The following CNKSR3 variants were observed in gnomAD, a reference collection of about 807,000 sequenced individuals.
CNKSR3 encodes the protein CNKSR family member 3, also known as connector enhancer of kinase suppressor of ras 3.
In CNKSR3, 36 loss-of-function variants were observed where a neutral mutation model predicts 67.7. The ratio of observed to expected loss-of-function variants is 0.53; its 90% confidence interval spans 0.41 to 0.70. The LOEUF is 0.70. Among genes scored for constraint, CNKSR3 ranks in the 30% least tolerant of loss-of-function variants. The probability of loss-of-function intolerance (pLI) is 0.00; values close to 1 mark genes in which losing one functional copy is unlikely to be tolerated. For missense variants in CNKSR3, 630 were observed against 695.2 expected (o/e 0.91, Z 1.05); for synonymous variants, 281 against 271.4 (o/e 1.04, Z -0.35).
chr6:154,420,427 C>T (rs112293035), intron 9 of CNKSR3, among the ~76,000 whole-genome samples: 1,864 of 152,096 alleles, frequency 0.012, 15 homozygotes, highest in African/African-American at 0.019. Flanking sequence ...CGGTGGCTCA[C>T]GCCTGTAATC....
chr6:154,443,458 G>A (rs562686016), intron 2 of CNKSR3, among the ~76,000 whole-genome samples: 442 of 144,322 alleles, frequency 3.1e-3, no homozygotes, highest in Non-Finnish European at 4.6e-3. Flanking sequence ...TGGCAGAATC[G>A]CCCCTTCGAT....
intron 9 of CNKSR3, among the ~76,000 whole-genome samples, chr6:154,422,005 T>C (rs1785154828): frequency 6.7e-6 from 1 of 148,218 alleles, no homozygotes; most frequent in Non-Finnish European, 1.5e-5. Context: ...TTTTTTTTTT[T>C]TTATGAGAAT....
chr6:154,391,498 G>C lies in CNKSR3; in HGVS notation c.*14856C>G, dbSNP rs1482970009. The C allele has an allele frequency of 6.6e-6, 1 of 152,394 alleles. No homozygotes were observed. The highest frequency in any genetic ancestry group is 2.4e-5 in the African/African-American group (1 of 41,460). The allele number at this position is 152,394 out of a possible 1,614,324, so 9.4% of individuals were successfully genotyped here. The stretch of plus-strand genomic sequence containing the variant: ...TCCGCCTGCCTCGGCCTCCCAAAGT[G>C]CTGGGATTACAGGCGTGAGCAATCA... On this transcript the variant is annotated 3_prime_UTR_variant, in exon 13 of 13. Transcript: ENST00000607772.
intron 1 of CNKSR3, among the ~76,000 whole-genome samples, chr6:154,460,958 G>C (rs1786067379): frequency 6.6e-6 from 1 of 152,126 alleles, no homozygotes; most frequent in Non-Finnish European, 1.5e-5. Flanking sequence ...TGCTCCACCT[G>C]AGCCATCAGG....
intron 4 of CNKSR3, among the ~76,000 whole-genome samples, chr6:154,436,397 G>A (rs1785473064): frequency 6.6e-6 from 1 of 152,048 alleles, no homozygotes; most frequent in African/African-American, 2.4e-5. Flanking sequence ...CAGGTCTCAA[G>A]CAATCCTCCC....
chr6:154,424,145 T>C (rs1218638223), intron 7 of CNKSR3, among the ~76,000 whole-genome samples: 2 of 145,350 alleles, frequency 1.4e-5, no homozygotes, highest in Non-Finnish European at 3.0e-5. Flanking sequence ...GGCAGGAGAA[T>C]GGCGTGAACC....
chr6:154,447,469 C>T (rs1785730875), intron 2 of CNKSR3, among the ~76,000 whole-genome samples: 1 of 152,096 alleles, frequency 6.6e-6, no homozygotes, highest in Admixed American at 6.6e-5. Context: ...GAAAGTGGTC[C>T]TGGTCTCATC....
intron 1 of CNKSR3, among the ~76,000 whole-genome samples, chr6:154,450,986 A>C (rs1461006607): frequency 1.3e-5 from 2 of 152,186 alleles, no homozygotes; most frequent in Non-Finnish European, 2.9e-5. Context: ...AGAATATTTC[A>C]CTTAAGTTTA....
chr6:154,454,854 A>G (rs1451412942), intron 1 of CNKSR3, among the ~76,000 whole-genome samples: 1 of 152,090 alleles, frequency 6.6e-6, no homozygotes, highest in African/African-American at 2.4e-5. Context: ...AATTTTTGAA[A>G]GAGAATAAAA....
chr6:154,430,610 A>G lies in CNKSR3; in HGVS notation c.550-19T>C. The G allele has an allele frequency of 1.3e-6, 2 of 1,595,480 alleles. No homozygotes were observed. Among genetic ancestry groups the G allele is most frequent in the Non-Finnish European group, 1.7e-6 (2 of 1,174,116 alleles). On this transcript the variant is annotated intron_variant, in intron 5 of 12. Transcript: ENST00000607772. ...CCTTGACCTAGAATTGGAGAAGCAA[A>G]TAGTCAGGAAAGTTCAATCATTAAC...
rs555396867 is a variant in CNKSR3, at chr6:154,397,038, C to A, written c.*9316G>T. On this transcript the variant is annotated 3_prime_UTR_variant, in exon 13 of 13. Coordinates refer to ENST00000607772, the MANE Select transcript of CNKSR3 (RefSeq NM_173515.4). Reference sequence around the variant, plus strand: ...AGCCAGGATGGTCTCGATCTCCTGACCTTGTGATCCACCTGCCTCAGCCTC... The same window carrying A: ...AGCCAGGATGGTCTCGATCTCCTGAACTTGTGATCCACCTGCCTCAGCCTC... The A allele has an allele frequency of 6.6e-6, 1 of 151,978 alleles. No homozygotes were observed. Among genetic ancestry groups the A allele is most frequent in the African/African-American group, 2.4e-5 (1 of 41,462 alleles). The allele number at this position is 151,978 out of a possible 1,614,324, so 9.4% of individuals were successfully genotyped here. A position where few individuals can be genotyped will look rare whatever the true frequency, so the allele number is the denominator to read the frequency against.
At chr6:154,461,166 A>G (rs938375712) in intron 1 of CNKSR3, among the ~76,000 whole-genome samples, 7 of 152,202 alleles carry the variant, frequency 4.6e-5, no homozygotes, top group Non-Finnish European at 7.3e-5. Context: ...TGGCCGGGTT[A>G]TCATCATCTC....
chr6:154,486,464 T>TTTTTA (rs370678999), intron 1 of CNKSR3, among the ~76,000 whole-genome samples: 2,193 of 146,464 alleles, frequency 0.015, 115 homozygotes, highest in South Asian at 0.039. Flanking sequence ...GCCCAGCTAA[T>TTTTTA]TTTTATTTTA....
chr6:154,475,993 C>T (rs1050807589), intron 1 of CNKSR3, among the ~76,000 whole-genome samples: 10 of 152,040 alleles, frequency 6.6e-5, no homozygotes, highest in Non-Finnish European at 1.3e-4. Context: ...ACCCTGCAAA[C>T]CCAGCAGTGA....
chr6:154,448,512 T>C (rs1427924756), intron 2 of CNKSR3, among the ~76,000 whole-genome samples: 3 of 148,404 alleles, frequency 2.0e-5, no homozygotes, highest in Non-Finnish European at 4.4e-5. Flanking sequence ...AAACACACAA[T>C]AGTACACAGC....
intron 1 of CNKSR3, among the ~76,000 whole-genome samples, chr6:154,450,867 C>T (rs1454127567): frequency 2.0e-5 from 3 of 152,198 alleles, no homozygotes; most frequent in Admixed American, 1.3e-4. Context: ...TTTTTCTCAT[C>T]AGTTTTCTGA....
At chr6:154,412,308 A>G (rs761698211) in intron 10 of CNKSR3, among the ~76,000 whole-genome samples, 1 of 152,160 alleles carries the variant, frequency 6.6e-6, no homozygotes, top group Non-Finnish European at 1.5e-5. Flanking sequence ...CCCATTTTTC[A>G]TTCCTCAGAA....
At chr6:154,415,097 CAA>C (rs1157415390) in intron 9 of CNKSR3, among the ~76,000 whole-genome samples, 20 of 33,238 alleles carry the variant, frequency 6.0e-4, no homozygotes, top group African/African-American at 8.4e-4. Flanking sequence ...GACTCTGTCT[CAA>C]AAAAAAAAAA....
At position 154,388,685 on chromosome 6, in the gene CNKSR3, G is replaced by T. The variant is rs1327674993; in HGVS notation, c.*17669C>A. 1 of 152,014 alleles carries T rather than the reference G, an allele frequency of 6.6e-6. No homozygotes were observed. Among genetic ancestry groups the T allele is most frequent in the African/African-American group, 2.4e-5 (1 of 41,386 alleles). 9.4% of individuals were successfully genotyped at this position (152,014 alleles called of 1,614,324 possible). On this transcript the variant is annotated 3_prime_UTR_variant, in exon 13 of 13. Transcript: ENST00000607772. ...TCTTCACCAATATTTGTTGTGTTTT[G>T]GTTCTTCAATGATAGCCATCCTGAC...
Sources: gnomAD v4.1 joint callset for allele counts (sites outside exome capture counted in the v4.1 genomes callset) on GRCh38, gnomAD v4.1.1 for gene constraint, MANE v1.5 for transcripts, NCBI Gene and HGNC (gene_info 2026-07-23, HGNC 2026-07-21) for gene names.